The following FUT9 variants were observed in gnomAD, a reference collection of about 807,000 sequenced individuals.
The protein encoded by FUT9 is 4-galactosyl-N-acetylglucosaminide 3-alpha-L-fucosyltransferase 9.
Under a neutral mutation model 29.7 loss-of-function variants are expected in FUT9, and 15 were observed. The observed-to-expected ratio is 0.51, with a 90% CI of 0.34 to 0.78. The LOEUF is 0.78. Ranked by LOEUF, FUT9 falls within the 30% of genes least tolerant of loss-of-function variation. The pLI is 0.01. For missense variants in FUT9, 319 were observed against 425.4 expected, an observed-to-expected ratio of 0.75 and a Z score of 2.20; for synonymous variants, 169 against 153.7, an observed-to-expected ratio of 1.10 and a Z score of -0.74.
chr6:96,177,965 T>C (rs1198226411), intron 2 of FUT9, among the ~76,000 whole-genome samples: 13 of 152,160 alleles, frequency 8.5e-5, no homozygotes, highest in Admixed American at 8.5e-4. Flanking sequence ...CAGTCTTTGA[T>C]AGGCAGCCTT....
chr6:96,173,607 C>CA (rs1448711395), intron 2 of FUT9, among the ~76,000 whole-genome samples: 11 of 150,858 alleles, frequency 7.3e-5, no homozygotes, highest in East Asian at 5.8e-4. Context: ...CTCTATTCAA[C>CA]AAAAAAAAGA....
In FUT9 at chr6:96,203,606, T is replaced by C; in HGVS notation, c.451T>C (p.Leu151=). The C allele has an allele frequency of 1.2e-6, 2 of 1,614,018 alleles. No homozygotes were observed. Among genetic ancestry groups the C allele is most frequent in the Non-Finnish European group, 1.7e-6 (2 of 1,180,008 alleles). ...TCCCCAAAAGAGTGGCATTGAGCACTTGTTTAACCTGACTCTGACTTACCG... is the reference window on the plus strand; with the variant it reads ...TCCCCAAAAGAGTGGCATTGAGCACCTGTTTAACCTGACTCTGACTTACCG... The part of the protein sequence containing the change: ...HTPQKSGIEH[L]FNLTLTYRRD... The change falls in exon 3 of 3, where the codon TTG becomes CTG. Residue 151 remains leucine (L), a synonymous_variant. Coordinates refer to ENST00000302103, the MANE Select transcript of FUT9 (RefSeq NM_006581.4).
chr6:96,179,351 T>C (rs535098423), intron 2 of FUT9, among the ~76,000 whole-genome samples: 8 of 152,250 alleles, frequency 5.3e-5, no homozygotes, highest in African/African-American at 1.7e-4. Context: ...CATGCCTCCA[T>C]GGAGCTTATG....
intron 1 of FUT9, chr6:96,036,511 C>A (rs1417831303): frequency 6.6e-6 from 1 of 151,808 alleles, no homozygotes; most frequent in Non-Finnish European, 1.5e-5. Flanking sequence ...GTTAAACTAA[C>A]TTTTTGGGTT....
intron 2 of FUT9, among the ~76,000 whole-genome samples, chr6:96,118,905 G>T (rs1273587333): frequency 6.6e-6 from 1 of 151,368 alleles, no homozygotes; most frequent in African/African-American, 2.4e-5. Flanking sequence ...TTTAAAAATA[G>T]GAAAAAAGCT....
At chr6:96,186,533 G>A (rs1773409086) in intron 2 of FUT9, among the ~76,000 whole-genome samples, 2 of 151,992 alleles carry the variant, frequency 1.3e-5, no homozygotes, top group African/African-American at 2.4e-5. Flanking sequence ...AGAACCAACA[G>A]TAAAGAGATT....
chr6:96,182,827 G>T (rs1773334047), intron 2 of FUT9, among the ~76,000 whole-genome samples: 1 of 152,016 alleles, frequency 6.6e-6, no homozygotes, highest in African/African-American at 2.4e-5. Flanking sequence ...GTACCAGGCT[G>T]TTCTGGTGAC....
At chr6:96,171,307 T>C (rs1307337579) in intron 2 of FUT9, among the ~76,000 whole-genome samples, 2 of 152,180 alleles carry the variant, frequency 1.3e-5, no homozygotes, top group African/African-American at 4.8e-5. Flanking sequence ...TCTGGGTTGC[T>C]CATGCATGAG....
intron 2 of FUT9, among the ~76,000 whole-genome samples, chr6:96,121,861 T>C (rs912078704): frequency 8.8e-5 from 13 of 148,016 alleles, no homozygotes; most frequent in African/African-American, 2.2e-4. Flanking sequence ...TAAATCTCTA[T>C]GTTGCTAAAG....
At chr6:96,202,132 C>G (rs569146752) in intron 2 of FUT9, among the ~76,000 whole-genome samples, 3 of 151,790 alleles carry the variant, frequency 2.0e-5, no homozygotes, top group Non-Finnish European at 4.4e-5. Flanking sequence ...TATCAATAAA[C>G]AGTTTTTGCA....
At chr6:96,082,464 T>C (rs1771252477) in intron 1 of FUT9, among the ~76,000 whole-genome samples, 1 of 151,886 alleles carries the variant, frequency 6.6e-6, no homozygotes, top group African/African-American at 2.4e-5. Context: ...AGTGGGTCTA[T>C]TTTAAAACTA....
At chr6:96,060,389 A>G (rs1365405379) in intron 1 of FUT9, among the ~76,000 whole-genome samples, 1 of 152,260 alleles carries the variant, frequency 6.6e-6, no homozygotes, top group Non-Finnish European at 1.5e-5. Context: ...CATTAAATAC[A>G]GAACAATTAT....
chr6:96,130,013 T>G (rs1309809336), intron 2 of FUT9, among the ~76,000 whole-genome samples: 3 of 152,080 alleles, frequency 2.0e-5, no homozygotes, highest in African/African-American at 7.2e-5. Context: ...AATCAAAATT[T>G]TATATAAATT....
At chr6:96,155,076 A>T (rs1420542611) in intron 2 of FUT9, among the ~76,000 whole-genome samples, 1 of 152,188 alleles carries the variant, frequency 6.6e-6, no homozygotes, top group East Asian at 1.9e-4. Flanking sequence ...AATGACCCCC[A>T]ATCAGCAGAG....
intron 2 of FUT9, among the ~76,000 whole-genome samples, chr6:96,183,005 A>T (rs1482571028): frequency 9.9e-5 from 15 of 151,896 alleles, no homozygotes. Context: ...TGGGAATTGC[A>T]TTGAATTTTT....
chr6:96,109,323 T>A (rs1205753685), intron 1 of FUT9, among the ~76,000 whole-genome samples: 1 of 152,212 alleles, frequency 6.6e-6, no homozygotes, highest in Non-Finnish European at 1.5e-5. Flanking sequence ...TGTTCTTTTA[T>A]ATTTATAGAT....
Position 96,086,828 on chromosome 6 carries a change from T to A in FUT9, c.-97-27211T>A, listed in dbSNP as rs115420028. On this transcript the variant is annotated intron_variant, in intron 1 of 2. Coordinates refer to ENST00000302103, the MANE Select transcript of FUT9 (RefSeq NM_006581.4). Reference sequence around the variant, plus strand: ...ATTTTCCACTGCTTGGCCTCTCTTTTTTGTCCTCACACTAAAGGAAGATAC... The same window carrying A: ...ATTTTCCACTGCTTGGCCTCTCTTTATTGTCCTCACACTAAAGGAAGATAC... Among the ~76,000 whole-genome samples, 932 of 152,300 alleles carry A rather than the reference T, an allele frequency of 6.1e-3. 14 individuals carry two copies. Among genetic ancestry groups the A allele is most frequent in the African/African-American group, 0.021 (893 of 41,572 alleles).
At chr6:96,108,888 C>A (rs1771744831) in intron 1 of FUT9, among the ~76,000 whole-genome samples, 1 of 152,126 alleles carries the variant, frequency 6.6e-6, no homozygotes, top group Admixed American at 6.5e-5. Context: ...TTTTCCCCTT[C>A]CACTTCTAGA....
At chr6:96,101,927 T>C (rs939269927) in intron 1 of FUT9, among the ~76,000 whole-genome samples, 4 of 152,114 alleles carry the variant, frequency 2.6e-5, no homozygotes, top group South Asian at 2.1e-4. Context: ...TTTTATCCTA[T>C]GATTATTAGA....
Sources: allele counts gnomAD v4.1 joint callset (sites outside exome capture counted in the v4.1 genomes callset), GRCh38; gene constraint gnomAD v4.1.1; transcripts MANE v1.5; gene names NCBI Gene and HGNC (gene_info 2026-07-23, HGNC 2026-07-21).